GIT1: variants seen among roughly 807,000 people sequenced by gnomAD.
GIT1 encodes the protein GIT ArfGAP 1, also known as ARF GTPase-activating protein GIT1.
Under a neutral mutation model 91.7 loss-of-function variants are expected in GIT1, and 14 were observed. The ratio of observed to expected loss-of-function variants is 0.15; its 90% CI spans 0.10 to 0.24. GIT1 has a LOEUF of 0.24. Ranked by LOEUF, GIT1 falls within the 10% of genes least tolerant of loss-of-function variation. The probability of loss-of-function intolerance (pLI) is 1.00; values close to 1 mark genes in which losing one functional copy is unlikely to be tolerated. For synonymous variants in GIT1, 414 were observed against 418.2 expected, an observed-to-expected ratio of 0.99 and a Z score of 0.12; for missense variants, 717 against 1,024.9, an observed-to-expected ratio of 0.70 and a Z score of 4.10.
At chr17:29,579,508 G>A (rs1044269923) in intron 7 of GIT1, among the ~76,000 whole-genome samples, 3 of 152,158 alleles carry the variant, frequency 2.0e-5, no homozygotes, top group African/African-American at 7.2e-5. Flanking sequence ...CACTTTGGGA[G>A]GCCAAGGTGG....
chr17:29,580,614 G>A (rs776822767), intron 7 of GIT1, among the ~76,000 whole-genome samples: 217 of 152,290 alleles, frequency 1.4e-3, no homozygotes, highest in Non-Finnish European at 2.3e-3. Context: ...TTCTGAGCAC[G>A]CTAGAGGCCT....
In GIT1 at chr17:29,582,034, G is replaced by C. The variant is rs200538739; in HGVS notation, c.516C>G (p.His172Gln). ...GTGTCTGTCCTGCCTTGGCAGCCAC[G>C]TGCAGAGGTGTGGTGCCCTTCTCTG... is the stretch of plus-strand genomic sequence containing the variant. ...FHPEKGTTPLHVAAKAGQTLQ... is the reference protein window; with the variant it reads ...FHPEKGTTPLQVAAKAGQTLQ... The change falls in exon 5 of 20, where the codon CAC becomes CAG. Residue 172 changes from histidine to glutamine, a missense_variant. His to Gln is a conservative substitution (Grantham distance 24). This residue lies in a region of GIT1 where 271 missense variants were observed against 451.6 expected (regional missense o/e 0.60). Coordinates refer to ENST00000225394, the MANE Select transcript of GIT1 (RefSeq NM_014030.4). The C allele has an allele frequency of 1.9e-6, 3 of 1,611,800 alleles. No homozygotes were observed. The highest frequency in any genetic ancestry group is 2.5e-6 in the Non-Finnish European group (3 of 1,179,966).
At position 29,576,956 on chromosome 17, in the gene GIT1, G is replaced by A. The variant is rs575285107; in HGVS notation, c.1134C>T (p.Asp378=). 2.1e-5 allele frequency: 34 copies of A among 1,600,188 alleles called. No homozygotes were observed. The South Asian group carries it at 2.4e-4, about 11-fold the overall frequency. Reference sequence around the variant, plus strand: ...CCACGCTGTCGTAGTCGTGTTGGTCGTCGAGGTCACTCTGGCTCCGCAGAG... The same window carrying A: ...CCACGCTGTCGTAGTCGTGTTGGTCATCGAGGTCACTCTGGCTCCGCAGAG... ...ELSLRSQSDL[D]DQHDYDSVAS... Residue 378 remains aspartate (D), a synonymous_variant, in exon 12 of 20, where the codon GAC becomes GAT. Transcript: ENST00000225394.
At chr17:29,584,518 G>A (rs964698923) in intron 1 of GIT1, among the ~76,000 whole-genome samples, 2 of 152,190 alleles carry the variant, frequency 1.3e-5, no homozygotes, top group Non-Finnish European at 2.9e-5. Flanking sequence ...ACCCATCCTA[G>A]GCCCCTTGGG....
chr17:29,581,322 T>G lies in GIT1; in HGVS notation c.761+16A>C. 6.3e-7 allele frequency: 1 copy of G among 1,599,736 alleles called. No homozygotes were observed. Among genetic ancestry groups the G allele is most frequent in the Admixed American group, 1.7e-5 (1 of 59,998 alleles). On this transcript the variant is annotated intron_variant, in intron 7 of 19. Transcript: ENST00000225394. The surrounding 1 kb of genome is among the most constrained non-coding windows in gnomAD (Gnocchi z 4.8). ...ATCCAACAGCCTCTGGAAAGGGGCA[T>G]CAGGTGGGCACTCACCTGTCAGCCA...
At chr17:29,579,904 C>T (rs995819179) in intron 7 of GIT1, among the ~76,000 whole-genome samples, 1 of 152,160 alleles carries the variant, frequency 6.6e-6, no homozygotes, top group Admixed American at 6.5e-5. Flanking sequence ...GTGCCTGGAA[C>T]TCTCCGCTCT....
chr17:29,585,019 G>T (rs541937261), intron 1 of GIT1, among the ~76,000 whole-genome samples: 1 of 142,768 alleles, frequency 7.0e-6, no homozygotes, highest in East Asian at 2.1e-4. Context: ...CTGGAGTGCA[G>T]CGGGTTTAGG....
rs543926514 is a variant in GIT1 at position 29,581,234 on chromosome 17, G to T, written c.761+104C>A. 17 of 819,318 alleles carry T rather than the reference G, an allele frequency of 2.1e-5. No homozygotes were observed. Among genetic ancestry groups the T allele is most frequent in the Admixed American group, 1.8e-4 (10 of 54,240 alleles). The allele number at this position is 819,318 out of a possible 1,614,324, so 50.8% of individuals were successfully genotyped here. ...TGTGCCTCTAGTCTCTGGGGGGAGG[G>T]AGCAGGGTCCTAGGCCTCTGAAACC... is the stretch of plus-strand genomic sequence containing the variant. On this transcript the variant is annotated intron_variant, in intron 7 of 19. Coordinates refer to ENST00000225394, the MANE Select transcript of GIT1 (RefSeq NM_014030.4). The surrounding 1 kb of genome is among the most constrained non-coding windows in gnomAD (Gnocchi z 4.8).
intron 2 of GIT1, 104 bp from the exon 3 acceptor site, chr17:29,583,141 C>A: frequency 1.3e-6 from 1 of 760,768 alleles, no homozygotes; most frequent in Admixed American, 2.0e-5. Flanking sequence ...GGAAACGGTA[C>A]CAAGGGGGCC....
intron 9 of GIT1, 109 bp from the exon 10 acceptor site, chr17:29,577,851 CT>C (rs1296169060): frequency 1.4e-6 from 1 of 720,812 alleles, no homozygotes; most frequent in African/African-American, 1.7e-5. Context: ...CTACTGAGCA[CT>C]GGTGTTCAGA....
At chr17:29,583,779 G>A in intron 1 of GIT1, 163 bp from the exon 2 acceptor site, 1 of 737,390 alleles carries the variant, frequency 1.4e-6, no homozygotes, top group South Asian at 1.9e-5. Flanking sequence ...TTACCAGTGA[G>A]GGATCTCCCC....
Position 29,575,276 on chromosome 17 carries a change from T to G in GIT1, c.2009+12A>C. ...GAACTGCATCCCCCTCACCTCCCCC[T>G]CCACTCAGTACCTGTCATGCTTGAA... On this transcript the variant is annotated intron_variant, in intron 18 of 19. Transcript: ENST00000225394. The surrounding 1 kb of genome is among the most constrained non-coding windows in gnomAD (Gnocchi z 5.5). 1 of 1,602,590 alleles carries G rather than the reference T, an allele frequency of 6.2e-7. No homozygotes were observed. The highest frequency in any genetic ancestry group is 8.5e-7 in the Non-Finnish European group (1 of 1,173,060).
rs374110627 is a variant in GIT1, at chr17:29,574,756, G to A, written c.2232C>T (p.Ile744=). The A allele has an allele frequency of 7.7e-4, 1,235 of 1,613,456 alleles. 1 individual carries two copies. The highest frequency in any genetic ancestry group is 1.0e-3 in the Non-Finnish European group (1,198 of 1,179,914). The change falls in exon 20 of 20, where the codon ATC becomes ATT. Residue 744 remains isoleucine (I), a synonymous_variant. Transcript: ENST00000225394. ...TGACCAGCTGCTTGGCAGCCTTGGC[G>A]ATGTCATAGGCGCACTGGATCACCT... ...TQQVIQCAYD[I]AKAAKQLVTI... is the part of the protein sequence containing the mutation.
chr17:29,584,251 G>A (rs929342738), intron 1 of GIT1, among the ~76,000 whole-genome samples: 1 of 152,230 alleles, frequency 6.6e-6, no homozygotes, highest in African/African-American at 2.4e-5. Flanking sequence ...AGGCAAGGTA[G>A]GACATGCTAC....
At position 29,581,564 on chromosome 17, in the gene GIT1, T is replaced by A; in HGVS notation, c.718+178A>T. Reference sequence around the variant, plus strand: ...ATGCAGGATGCCCACCCCCACTCCCTAGCCCCAGCGATGCTATGGCCCAGA... The same window carrying A: ...ATGCAGGATGCCCACCCCCACTCCCAAGCCCCAGCGATGCTATGGCCCAGA... On this transcript the variant is annotated intron_variant, in intron 6 of 19. Transcript: ENST00000225394. This position sits in a 1 kb window ranked among gnomAD's most constrained non-coding sequence, Gnocchi z 4.8. 1.4e-6 allele frequency: 1 copy of A among 695,960 alleles called. No individual in the cohort carries two copies. Among genetic ancestry groups the A allele is most frequent in the South Asian group, 1.7e-5 (1 of 60,582 alleles). 43.1% of individuals were successfully genotyped at this position (695,960 alleles called of 1,614,324 possible).
At chr17:29,578,823 T>C in intron 7 of GIT1, 44 bp from the exon 8 acceptor site, 1 of 1,598,844 alleles carries the variant, frequency 6.3e-7, no homozygotes, top group Non-Finnish European at 8.6e-7. Flanking sequence ...AGGAGAGACC[T>C]GAGAGGTGGC....
chr17:29,581,259 C>G lies in GIT1; in HGVS notation c.761+79G>C. 1.9e-6 allele frequency: 2 copies of G among 1,065,596 alleles called. No homozygotes were observed. The highest frequency in any genetic ancestry group is 2.9e-6 in the Non-Finnish European group (2 of 682,794). The allele number at this position is 1,065,596 out of a possible 1,614,324, so 66.0% of individuals were successfully genotyped here. ...GAGCAGGGTCCTAGGCCTCTGAAACCTGGGCTGGGAGCTCTGGGGGTCAGC... is the reference window on the plus strand; with the variant it reads ...GAGCAGGGTCCTAGGCCTCTGAAACGTGGGCTGGGAGCTCTGGGGGTCAGC... On this transcript the variant is annotated intron_variant, in intron 7 of 19. Transcript: ENST00000225394. This position sits in a 1 kb window ranked among gnomAD's most constrained non-coding sequence, Gnocchi z 4.8.
intron 11 of GIT1, 27 bp downstream of exon 11, chr17:29,577,109 C>T: frequency 6.2e-7 from 1 of 1,609,170 alleles, no homozygotes; most frequent in Non-Finnish European, 8.5e-7. Flanking sequence ...CGCCTGCTTC[C>T]CACACCCTCC....
At chr17:29,584,691 G>A (rs1461301694) in intron 1 of GIT1, among the ~76,000 whole-genome samples, 3 of 152,212 alleles carry the variant, frequency 2.0e-5, no homozygotes, top group Non-Finnish European at 2.9e-5. Flanking sequence ...GTGGGGGTGG[G>A]GGACTGGCTC....
Sources: allele counts gnomAD v4.1 joint callset (sites outside exome capture counted in the v4.1 genomes callset), GRCh38; gene constraint gnomAD v4.1.1; regional missense constraint gnomAD v4.1.1; non-coding constraint Gnocchi (gnomAD v3.1); transcripts MANE v1.5; gene names NCBI Gene and HGNC (gene_info 2026-07-23, HGNC 2026-07-21).